The following CLVS1 variants were observed in gnomAD, a reference collection of about 807,000 sequenced individuals.
CLVS1 encodes the protein clavesin 1.
In CLVS1, 10 loss-of-function variants were observed where a neutral mutation model predicts 33.1. The observed-to-expected ratio is 0.30, with a 90% confidence interval of 0.19 to 0.51. CLVS1 has a LOEUF of 0.51. Among genes scored for constraint, CLVS1 ranks in the 20% least tolerant of loss-of-function variants. The pLI is 0.97. For synonymous variants in CLVS1, 163 were observed against 166.1 expected (o/e 0.98, Z 0.14); for missense variants, 343 against 433.4 (o/e 0.79, Z 1.85).
intron 2 of CLVS1, among the ~76,000 whole-genome samples, chr8:61,276,497 A>G (rs934032374): frequency 6.6e-6 from 1 of 152,198 alleles, no homozygotes; most frequent in African/African-American, 2.4e-5. Flanking sequence ...TTGTTTTTAG[A>G]TCTTAATTAA....
intron 2 of CLVS1, among the ~76,000 whole-genome samples, chr8:61,238,094 C>A (rs991526775): frequency 6.6e-6 from 1 of 152,164 alleles, no homozygotes; most frequent in Non-Finnish European, 1.5e-5. Flanking sequence ...CTCTTCCTGA[C>A]ACAGCAGGGG....
intron 2 of CLVS1, among the ~76,000 whole-genome samples, chr8:61,255,172 T>A (rs1809050734): frequency 6.6e-6 from 1 of 152,182 alleles, no homozygotes; most frequent in Non-Finnish European, 1.5e-5. Flanking sequence ...CAGGATGAGA[T>A]CACAGAATAT....
intron 2 of CLVS1, chr8:61,203,009 A>G: frequency 2.1e-5 from 28 of 1,352,456 alleles, no homozygotes; most frequent in African/African-American, 2.9e-5. Context: ...CCAAGATCAA[A>G]AGGACAAGAA....
chr8:61,396,468 TTATCTTTCTG>T (rs1814532167), intron 3 of CLVS1, among the ~76,000 whole-genome samples: 2 of 152,210 alleles, frequency 1.3e-5, no homozygotes, highest in African/African-American at 4.8e-5. Context: ...ATTTTTCCTT[TTATCTTTCTG>T]TTGGTCACAA....
upstream of CLVS1, among the ~76,000 whole-genome samples, chr8:61,053,905 A>G (rs1289216803): frequency 6.6e-6 from 1 of 152,204 alleles, no homozygotes; most frequent in Non-Finnish European, 1.5e-5. Context: ...AAGATCCCTG[A>G]CAATAGCATT....
At chr8:61,200,188 G>T (rs190175185) in intron 2 of CLVS1, among the ~76,000 whole-genome samples, 1 of 152,116 alleles carries the variant, frequency 6.6e-6, no homozygotes, top group South Asian at 2.1e-4. Context: ...GTGCGATCTC[G>T]GCTCACTGCA....
At chr8:61,325,999 C>T (rs531421483) in intron 2 of CLVS1, among the ~76,000 whole-genome samples, 1 of 152,302 alleles carries the variant, frequency 6.6e-6, no homozygotes, top group South Asian at 2.1e-4. Flanking sequence ...TCAGAAAACA[C>T]TCTTGCAAAT....
chr8:61,201,075 G>T (rs954757375), intron 2 of CLVS1, among the ~76,000 whole-genome samples: 1 of 152,038 alleles, frequency 6.6e-6, no homozygotes, highest in Admixed American at 6.6e-5. Flanking sequence ...TCAATCATTT[G>T]CCCCTATAAC....
intron 1 of CLVS1, among the ~76,000 whole-genome samples, chr8:61,288,791 T>C (rs1226466076): frequency 1.3e-5 from 2 of 152,342 alleles, no homozygotes; most frequent in Non-Finnish European, 2.9e-5. Context: ...GGGTGACCGA[T>C]GACTCATATT....
intron 1 of CLVS1, among the ~76,000 whole-genome samples, chr8:61,291,787 A>G (rs866720794): frequency 6.6e-5 from 10 of 152,110 alleles, no homozygotes; most frequent in South Asian, 2.1e-4. Flanking sequence ...GTGATCTGAT[A>G]AACTATTATG....
At chr8:61,022,922 G>C in the CLVS1 span, among the ~76,000 whole-genome samples, 4 of 152,220 alleles carry the variant, frequency 2.6e-5, no homozygotes, top group Admixed American at 2.6e-4. Context: ...GTGTGCGCCG[G>C]AGCTACACTG....
chr8:61,223,725 G>C (rs916836379), intron 2 of CLVS1, among the ~76,000 whole-genome samples: 2 of 152,206 alleles, frequency 1.3e-5, no homozygotes, highest in Non-Finnish European at 2.9e-5. Context: ...ATGTTGGCCT[G>C]TCTTGCTAAG....
chr8:61,224,987 C>G (rs1484247457), intron 2 of CLVS1, among the ~76,000 whole-genome samples: 1 of 152,088 alleles, frequency 6.6e-6, no homozygotes, highest in African/African-American at 2.4e-5. Context: ...TGTGTTTTAC[C>G]AAAGTAATTT....
intron 5 of CLVS1, among the ~76,000 whole-genome samples, chr8:61,497,700 ATAGAG>A (rs978881441): frequency 1.1e-4 from 16 of 152,346 alleles, no homozygotes; most frequent in African/African-American, 3.6e-4. Flanking sequence ...GGGGAAGTCC[ATAGAG>A]TAAAGTGAAA....
chr8:61,239,826 A>AT (rs1361592483), intron 2 of CLVS1, among the ~76,000 whole-genome samples: 2 of 152,112 alleles, frequency 1.3e-5, no homozygotes, highest in African/African-American at 4.8e-5. Flanking sequence ...CGCAATATGT[A>AT]TTTTTTAACA....
At chr8:61,087,839 T>C (rs932997748) in intron 1 of CLVS1, among the ~76,000 whole-genome samples, 1 of 152,192 alleles carries the variant, frequency 6.6e-6, no homozygotes, top group Non-Finnish European at 1.5e-5. Flanking sequence ...AATATACATG[T>C]AAATTATTTA....
intron 1 of CLVS1, among the ~76,000 whole-genome samples, chr8:61,068,199 G>GTGTATATA (rs1554531422): frequency 8.2e-5 from 8 of 97,860 alleles, no homozygotes; most frequent in East Asian, 6.2e-4. Flanking sequence ...ATGTGTATAT[G>GTGTATATA]TATATATATA....
chr8:60,979,428 A>G, the CLVS1 span, among the ~76,000 whole-genome samples: 1 of 152,242 alleles, frequency 6.6e-6, no homozygotes, highest in African/African-American at 2.4e-5. Context: ...ACCTTGAGAA[A>G]TGACTTAGTA....
intron 2 of CLVS1, among the ~76,000 whole-genome samples, chr8:61,302,344 C>A (rs141885372): frequency 6.6e-6 from 1 of 152,190 alleles, no homozygotes; most frequent in Admixed American, 6.5e-5. Flanking sequence ...CACTACATTG[C>A]TTCACTGATG....
Sources: gnomAD v4.1 joint callset for allele counts (sites outside exome capture counted in the v4.1 genomes callset) on GRCh38, gnomAD v4.1.1 for gene constraint, MANE v1.5 for transcripts, NCBI Gene and HGNC (gene_info 2026-07-23, HGNC 2026-07-21) for gene names.